Variants in AAMDC observed in about 807,000 individuals in gnomAD.
The protein encoded by AAMDC is adipogenesis associated Mth938 domain containing.
AAMDC carries 16 observed loss-of-function variants against 15.5 expected under a neutral mutation model. The observed-to-expected ratio is 1.03, with a 90% CI of 0.70 to 1.57. The LOEUF (loss-of-function observed/expected upper bound fraction) is 1.57, where lower values mean the gene tolerates loss of function less well. AAMDC is among the 40% of genes most tolerant of loss of function. The pLI is 0.00. For missense variants in AAMDC, 141 were observed against 144.9 expected (o/e 0.97, Z 0.14); for synonymous variants, 51 against 51.6 (o/e 0.99, Z 0.05).
At chr11:77,893,238 C>T (rs1434851586) in intron 5 of AAMDC, among the ~76,000 whole-genome samples, 1 of 152,166 alleles carries the variant, frequency 6.6e-6, no homozygotes, top group South Asian at 2.1e-4. Flanking sequence ...TGAAAAAATA[C>T]ATGTATTCTA....
intron 2 of AAMDC, among the ~76,000 whole-genome samples, chr11:77,848,797 G>A (rs146890909): frequency 6.6e-5 from 10 of 151,570 alleles, no homozygotes; most frequent in Admixed American, 3.9e-4. Flanking sequence ...ACTACATATT[G>A]TTATCCTCTT....
At chr11:77,865,611 A>C (rs962755732) in intron 2 of AAMDC, among the ~76,000 whole-genome samples, 2 of 152,254 alleles carry the variant, frequency 1.3e-5, no homozygotes, top group Non-Finnish European at 2.9e-5. Context: ...CTTATCAGCT[A>C]TATGCCCCAG....
downstream of AAMDC, chr11:77,872,482 G>A (rs1951476645): frequency 2.1e-5 from 15 of 711,826 alleles, no homozygotes; most frequent in South Asian, 4.3e-4. Context: ...CTGTCCTTGA[G>A]GGTGCTAAAA....
At chr11:77,885,919 C>A (rs972434941) in intron 5 of AAMDC, among the ~76,000 whole-genome samples, 4 of 152,094 alleles carry the variant, frequency 2.6e-5, no homozygotes, top group African/African-American at 9.7e-5. Context: ...TTTCTGTGTT[C>A]AGCAGGTGCA....
chr11:77,895,557 A>G (rs1036870241), intron 5 of AAMDC, among the ~76,000 whole-genome samples: 23 of 117,482 alleles, frequency 2.0e-4, no homozygotes, highest in South Asian at 2.7e-4. Context: ...AAAAAAAAAA[A>G]GTAGCACTTG....
chr11:77,858,065 C>T (rs1274986606), intron 2 of AAMDC, among the ~76,000 whole-genome samples: 1 of 152,036 alleles, frequency 6.6e-6, no homozygotes, highest in Non-Finnish European at 1.5e-5. Context: ...GTGACCCAGG[C>T]TGGAGTACAG....
intron 1 of AAMDC, among the ~76,000 whole-genome samples, chr11:77,835,914 GAAA>G (rs766132746): frequency 5.4e-5 from 8 of 146,994 alleles, no homozygotes; most frequent in African/African-American, 1.5e-4. Flanking sequence ...TGTCAAAAAA[GAAA>G]AAAAAAATAA....
At chr11:77,865,158 C>A (rs554678425) in intron 2 of AAMDC, among the ~76,000 whole-genome samples, 4 of 152,190 alleles carry the variant, frequency 2.6e-5, no homozygotes, top group African/African-American at 9.7e-5. Context: ...TTCTACTGCA[C>A]ATGATTTGCC....
At chr11:77,893,653 G>A (rs1370595152) in intron 5 of AAMDC, among the ~76,000 whole-genome samples, 3 of 152,066 alleles carry the variant, frequency 2.0e-5, no homozygotes, top group Non-Finnish European at 4.4e-5. Flanking sequence ...AGCACTTTGG[G>A]AGGCCAAGGC....
chr11:77,839,624 G>GTA (rs1306999809), intron 1 of AAMDC, among the ~76,000 whole-genome samples: 1 of 152,176 alleles, frequency 6.6e-6, no homozygotes, highest in Non-Finnish European at 1.5e-5. Flanking sequence ...CTACACCATG[G>GTA]TATACTATGC....
intron 5 of AAMDC, among the ~76,000 whole-genome samples, chr11:77,894,556 T>C (rs1286651860): frequency 6.6e-6 from 1 of 152,172 alleles, no homozygotes; most frequent in African/African-American, 2.4e-5. Flanking sequence ...GCAGTGCCCA[T>C]TAAGCTCAAA....
At chr11:77,849,646 T>TG (rs939720434) in intron 2 of AAMDC, among the ~76,000 whole-genome samples, 6 of 151,414 alleles carry the variant, frequency 4.0e-5, no homozygotes, top group Non-Finnish European at 5.9e-5. Flanking sequence ...TTTTTGTGTG[T>TG]TTTTTTTTAA....
intron 2 of AAMDC, among the ~76,000 whole-genome samples, chr11:77,853,623 C>G (rs1950489998): frequency 6.6e-6 from 1 of 152,092 alleles, no homozygotes; most frequent in African/African-American, 2.4e-5. Flanking sequence ...TGGCCCCTCC[C>G]AAATCTCATG....
intron 5 of AAMDC, among the ~76,000 whole-genome samples, chr11:77,889,381 C>A (rs1234631596): frequency 6.8e-6 from 1 of 146,596 alleles, no homozygotes; most frequent in East Asian, 2.0e-4. Context: ...GAACATCACA[C>A]CCCGGGGACT....
chr11:77,894,294 GA>G, intron 5 of AAMDC: 4 of 1,527,690 alleles, frequency 2.6e-6, no homozygotes, highest in African/African-American at 1.4e-5. Context: ...ACTTACCTCT[GA>G]AAAAAGTCTA....
chr11:77,873,784 A>T (rs1408608139), downstream of AAMDC, among the ~76,000 whole-genome samples: 1 of 152,244 alleles, frequency 6.6e-6, no homozygotes, highest in East Asian at 1.9e-4. Context: ...GTCTTAAAAA[A>T]TGGAAGGTTC....
At chr11:77,896,256 A>G (rs761647636) in intron 5 of AAMDC, among the ~76,000 whole-genome samples, 1 of 152,242 alleles carries the variant, frequency 6.6e-6, no homozygotes, top group Non-Finnish European at 1.5e-5. Flanking sequence ...AGAGAAGCAC[A>G]CTTGGAAATA....
chr11:77,888,744 C>T (rs1488683322), intron 5 of AAMDC, among the ~76,000 whole-genome samples: 2 of 152,022 alleles, frequency 1.3e-5, no homozygotes, highest in Admixed American at 6.5e-5. Context: ...AACAAACAAC[C>T]CCATCAAAAA....
rs1033863354 is a variant in AAMDC at position 77,821,175 on chromosome 11, G to A, written c.-85G>A. On this transcript the variant is annotated 5_prime_UTR_variant, in exon 1 of 4. Coordinates refer to ENST00000393427, the MANE Select transcript of AAMDC (RefSeq NM_024684.4). ...GGAGCGCAGATCCCGAAGCAGCGCT[G>A]GGAGCGTAAGTGCGGGCAGAGCACT... The A allele has an allele frequency of 2.4e-5, 9 of 369,192 alleles. No homozygotes were observed. The highest frequency in any genetic ancestry group is 3.9e-5 in the Non-Finnish European group (8 of 205,802). 22.9% of individuals were successfully genotyped at this position (369,192 alleles called of 1,614,324 possible).
Sources: gnomAD v4.1 joint callset for allele counts (sites outside exome capture counted in the v4.1 genomes callset) on GRCh38, gnomAD v4.1.1 for gene constraint, MANE v1.5 for transcripts, NCBI Gene and HGNC (gene_info 2026-07-23, HGNC 2026-07-21) for gene names.